The following GNAI1 variants were observed in gnomAD, a reference collection of about 807,000 sequenced individuals.
GNAI1 encodes the protein G protein subunit alpha i1, also known as guanine nucleotide-binding protein G(i) subunit alpha-1.
A neutral mutation model predicts 38.9 loss-of-function variants in GNAI1; 11 were observed. The observed-to-expected ratio is 0.28, with a 90% CI of 0.18 to 0.47. The LOEUF is 0.47. Ranked by LOEUF, GNAI1 falls within the 20% of genes least tolerant of loss-of-function variation. The pLI, the probability that GNAI1 is intolerant of heterozygous loss-of-function variation, is 0.99. For missense variants in GNAI1, 317 were observed against 436.9 expected (o/e 0.73, Z 2.45); for synonymous variants, 166 against 145.1 (o/e 1.14, Z -1.04).
At chr7:80,172,188 A>G (rs1788108181) in intron 1 of GNAI1, among the ~76,000 whole-genome samples, 1 of 152,204 alleles carries the variant, frequency 6.6e-6, no homozygotes, top group Non-Finnish European at 1.5e-5. Context: ...TGGCTAGTGA[A>G]TAGTTGGAGG....
intron 1 of GNAI1, among the ~76,000 whole-genome samples, chr7:80,182,999 C>G (rs1788321042): frequency 6.6e-6 from 1 of 152,116 alleles, no homozygotes; most frequent in African/African-American, 2.4e-5. Context: ...AAGTCAAGTT[C>G]CTACCCTGCC....
intron 1 of GNAI1, among the ~76,000 whole-genome samples, chr7:80,147,877 C>G (rs1255240728): frequency 1.3e-5 from 2 of 152,126 alleles, no homozygotes; most frequent in Non-Finnish European, 2.9e-5. Context: ...CGTGTAAATT[C>G]ATTCAACAAA....
intron 1 of GNAI1, among the ~76,000 whole-genome samples, chr7:80,186,486 A>G (rs931030843): frequency 6.6e-6 from 1 of 152,160 alleles, no homozygotes; most frequent in Admixed American, 6.5e-5. Context: ...AATAGCAGGA[A>G]AATTTGTTTT....
intron 1 of GNAI1, among the ~76,000 whole-genome samples, chr7:80,180,213 G>C (rs1253601301): frequency 6.6e-6 from 1 of 152,116 alleles, no homozygotes; most frequent in Admixed American, 6.6e-5. Flanking sequence ...TCCTCTTCCT[G>C]TGTGGTTCTA....
intron 1 of GNAI1, among the ~76,000 whole-genome samples, chr7:80,152,167 G>A (rs958447454): frequency 5.3e-5 from 8 of 152,162 alleles, no homozygotes; most frequent in African/African-American, 1.9e-4. Context: ...CATACTGCTA[G>A]TACGTGGCCA....
At position 80,135,114 on chromosome 7, in the gene GNAI1, G is replaced by T; in HGVS notation, c.-47G>T. On this transcript the variant is annotated 5_prime_UTR_variant, in exon 1 of 8. Transcript: ENST00000649796. ...AAGGATTCCCCTGTGCTTGGAGCCCGCACTCGGGCGCGGAGGGAGCGGCGG... is the reference window on the plus strand; with the variant it reads ...AAGGATTCCCCTGTGCTTGGAGCCCTCACTCGGGCGCGGAGGGAGCGGCGG... 7.6e-7 allele frequency: 1 copy of T among 1,308,366 alleles called. No homozygotes were observed. The allele number at this position is 1,308,366 out of a possible 1,614,324, so 81.0% of individuals were successfully genotyped here.
intron 4 of GNAI1, among the ~76,000 whole-genome samples, chr7:80,201,865 C>G (rs1175079169): frequency 2.6e-5 from 4 of 152,138 alleles, no homozygotes; most frequent in African/African-American, 9.7e-5. Flanking sequence ...ACATTTTTCT[C>G]CATAGTGATT....
chr7:80,217,986 C>T lies in GNAI1; in HGVS notation c.*493C>T, dbSNP rs1789002236. 6.6e-6 allele frequency: 1 copy of T among 152,356 alleles called. No homozygotes were observed. The highest frequency in any genetic ancestry group is 2.1e-4 in the South Asian group (1 of 4,816). The allele number at this position is 152,356 out of a possible 1,614,324, so 9.4% of individuals were successfully genotyped here. On this transcript the variant is annotated 3_prime_UTR_variant, in exon 8 of 8. Transcript: ENST00000649796. ...TAATTAATATTAGGAAACATTACAG[C>T]CCTTATCTAGATTATATGTATACTT...
intron 1 of GNAI1, among the ~76,000 whole-genome samples, chr7:80,171,289 T>A (rs891480272): frequency 5.0e-4 from 74 of 149,058 alleles, no homozygotes; most frequent in African/African-American, 1.8e-3. Context: ...TCCTCAAGAT[T>A]TTTTTCTATG....
chr7:80,190,395 A>G (rs1788461417), intron 3 of GNAI1, among the ~76,000 whole-genome samples: 1 of 152,096 alleles, frequency 6.6e-6, no homozygotes, highest in Non-Finnish European at 1.5e-5. Flanking sequence ...TTATACATTT[A>G]TCATTTATTC....
Position 80,220,015 on chromosome 7 carries a change from A to G in GNAI1, c.*2522A>G, listed in dbSNP as rs1196773267. 6.6e-6 allele frequency among the ~76,000 whole-genome samples: 1 copy of G among 152,048 alleles called. No homozygotes were observed. Among genetic ancestry groups the G allele is most frequent in the Admixed American group, 6.6e-5 (1 of 15,262 alleles). On this transcript the variant is annotated 3_prime_UTR_variant, in exon 8 of 8. Transcript: ENST00000649796. ...TTATTAGTTAAATTCCCCACCTCCC[A>G]TTTCTCTCTTCTCGAAAAACCCAGG... is the stretch of plus-strand genomic sequence containing the variant.
chr7:80,217,501 AG>A lies in GNAI1; in HGVS notation c.*9del. 1 of 1,551,420 alleles carries A rather than the reference AG, an allele frequency of 6.4e-7. No individual in the cohort carries two copies. The highest frequency in any genetic ancestry group is 8.8e-7 in the Non-Finnish European group (1 of 1,140,018). On this transcript the variant is annotated 3_prime_UTR_variant, in exon 8 of 8. Coordinates refer to ENST00000649796, the MANE Select transcript of GNAI1 (RefSeq NM_002069.6). ...GATTGTGGTCTCTTTTAAGTTTTGCAGTTCATGGTAAAATGCATTTTCAAAC... is the reference window on the plus strand; with the variant it reads ...GATTGTGGTCTCTTTTAAGTTTTGCATTCATGGTAAAATGCATTTTCAAAC...
At chr7:80,217,225 T>TGTATGAAACTGACTTCAGTTTCATAA (rs568786937) in intron 7 of GNAI1, 78 bp from the exon 8 acceptor site, 2 of 905,160 alleles carry the variant, frequency 2.2e-6, no homozygotes, top group Non-Finnish European at 3.3e-6. Flanking sequence ...CAGTTTCATA[T>TGTATGAAACTGACTTCAGTTTCATAA]GTATGAAACT....
At chr7:80,217,153 C>T (rs1189418910) in intron 7 of GNAI1, 150 bp from the exon 8 acceptor site, 4 of 298,102 alleles carry the variant, frequency 1.3e-5, no homozygotes, top group Non-Finnish European at 1.8e-5. Flanking sequence ...AATAGTGTCT[C>T]CCATTCTAGA....
intron 1 of GNAI1, among the ~76,000 whole-genome samples, chr7:80,143,714 A>G (rs1787566784): frequency 6.6e-6 from 1 of 152,170 alleles, no homozygotes; most frequent in Non-Finnish European, 1.5e-5. Context: ...TATCTACTTC[A>G]TAGGGCTAGT....
intron 1 of GNAI1, among the ~76,000 whole-genome samples, chr7:80,186,267 G>A (rs971402549): frequency 2.6e-5 from 4 of 152,030 alleles, no homozygotes; most frequent in South Asian, 2.1e-4. Flanking sequence ...TCTTGTCCTC[G>A]TGATCTGCCC....
intron 3 of GNAI1, among the ~76,000 whole-genome samples, chr7:80,198,079 TTTTG>T (rs1788611641): frequency 1.3e-5 from 2 of 151,792 alleles, no homozygotes; most frequent in African/African-American, 4.8e-5. Context: ...TTGTTTATTG[TTTTG>T]TTTTTTTTTT....
At chr7:80,180,903 C>T (rs1210278439) in intron 1 of GNAI1, among the ~76,000 whole-genome samples, 4 of 152,158 alleles carry the variant, frequency 2.6e-5, no homozygotes, top group South Asian at 2.1e-4. Flanking sequence ...GTGATGCTCT[C>T]CTAGGTTTTG....
At chr7:80,142,228 CT>C (rs1401410434) in intron 1 of GNAI1, among the ~76,000 whole-genome samples, 3 of 152,122 alleles carry the variant, frequency 2.0e-5, no homozygotes, top group African/African-American at 7.2e-5. Flanking sequence ...TTCCCATTAT[CT>C]TCATCAGTAT....
Sources: gnomAD v4.1 joint callset for allele counts (sites outside exome capture counted in the v4.1 genomes callset) on GRCh38, gnomAD v4.1.1 for gene constraint, MANE v1.5 for transcripts, NCBI Gene and HGNC (gene_info 2026-07-23, HGNC 2026-07-21) for gene names.